The following PSMD14 variants were observed in gnomAD, a reference collection of about 807,000 sequenced individuals.
The protein encoded by PSMD14 is ubiquitin C-terminal hydrolase PSMD14.
Under a neutral mutation model 41.2 loss-of-function variants are expected in PSMD14, and 7 were observed. That is an observed-to-expected ratio of 0.17 (90% CI 0.10 to 0.32). The LOEUF (loss-of-function observed/expected upper bound fraction) is 0.32. Among genes scored for constraint, PSMD14 ranks in the 10% least tolerant of loss-of-function variants. The pLI is 1.00. For missense variants in PSMD14, 139 were observed against 375.6 expected, an observed-to-expected ratio of 0.37 and a Z score of 5.21; for synonymous variants, 114 against 122.3, an observed-to-expected ratio of 0.93 and a Z score of 0.45.
At chr2:161,381,605 G>A (rs1015240782) in intron 7 of PSMD14, 1 of 151,834 alleles carries the variant, frequency 6.6e-6, no homozygotes, top group Non-Finnish European at 1.5e-5. Context: ...TAGTCTTTCA[G>A]TGACCTAGCA....
intron 10 of PSMD14, among the ~76,000 whole-genome samples, chr2:161,404,704 A>T (rs1683926293): frequency 6.6e-6 from 1 of 152,126 alleles, no homozygotes; most frequent in Admixed American, 6.5e-5. Flanking sequence ...TAGTGCACTG[A>T]GTCTTGCATC....
intron 3 of PSMD14, among the ~76,000 whole-genome samples, chr2:161,366,493 T>G (rs1442620180): frequency 1.3e-5 from 2 of 152,128 alleles, no homozygotes; most frequent in African/African-American, 2.4e-5. Flanking sequence ...TATGTAAAAG[T>G]ATAAATGGGA....
chr2:161,315,251 A>G (rs1012631551), intron 1 of PSMD14, among the ~76,000 whole-genome samples: 1 of 152,220 alleles, frequency 6.6e-6, no homozygotes, highest in African/African-American at 2.4e-5. Context: ...TGCGCAAGAC[A>G]GCCCCACGAA....
intron 10 of PSMD14, among the ~76,000 whole-genome samples, chr2:161,403,083 G>GC (rs1307707880): frequency 1.3e-5 from 2 of 152,172 alleles, no homozygotes; most frequent in African/African-American, 4.8e-5. Flanking sequence ...CAAACAAAAA[G>GC]CGTGTATATG....
chr2:161,382,946 G>C (rs1316418011), intron 7 of PSMD14: 1 of 151,488 alleles, frequency 6.6e-6, no homozygotes, highest in Non-Finnish European at 1.5e-5. Flanking sequence ...CTTAACCATG[G>C]AGTGACCATT....
chr2:161,385,247 A>G, intron 7 of PSMD14: 2 of 339,438 alleles, frequency 5.9e-6, no homozygotes, highest in Non-Finnish European at 5.3e-6. Flanking sequence ...CTGCTTCATG[A>G]AAATTGCAAT....
chr2:161,332,324 A>G (rs1297381642), intron 3 of PSMD14, among the ~76,000 whole-genome samples: 1 of 152,214 alleles, frequency 6.6e-6, no homozygotes, highest in East Asian at 1.9e-4. Flanking sequence ...ACGTCTTTAA[A>G]ACGTTTTCCT....
At chr2:161,403,067 G>C (rs897482232) in intron 10 of PSMD14, among the ~76,000 whole-genome samples, 3 of 152,112 alleles carry the variant, frequency 2.0e-5, no homozygotes, top group African/African-American at 7.2e-5. Flanking sequence ...ATTGAAAATA[G>C]GTATTCAAAC....
intron 8 of PSMD14, among the ~76,000 whole-genome samples, chr2:161,389,777 G>T (rs775306170): frequency 6.6e-6 from 1 of 150,948 alleles, no homozygotes; most frequent in Non-Finnish European, 1.5e-5. Context: ...ATGTTAGAAA[G>T]AACATAGGCT....
At chr2:161,361,310 C>T (rs927958912) in intron 3 of PSMD14, among the ~76,000 whole-genome samples, 7 of 152,060 alleles carry the variant, frequency 4.6e-5, no homozygotes, top group Non-Finnish European at 1.5e-5. Flanking sequence ...AAACTTTCTG[C>T]AACACTGTAA....
At chr2:161,343,311 C>A (rs928731998) in intron 3 of PSMD14, among the ~76,000 whole-genome samples, 3 of 152,188 alleles carry the variant, frequency 2.0e-5, no homozygotes, top group African/African-American at 7.2e-5. Flanking sequence ...TATATGGAAT[C>A]ATTCAATATT....
At position 161,346,679 on chromosome 2, in the gene PSMD14, T is replaced by C. The variant is rs561969680; in HGVS notation, c.49-20799T>C. On this transcript the variant is annotated intron_variant, in intron 3 of 11. Coordinates refer to ENST00000409682, the MANE Select transcript of PSMD14 (RefSeq NM_005805.6). Reference sequence around the variant, plus strand: ...TCTTTCTAGTTTTGCTTTTAACCCTTGCTAGTTAAGACTGGGGCAGTACCT... The same window carrying C: ...TCTTTCTAGTTTTGCTTTTAACCCTCGCTAGTTAAGACTGGGGCAGTACCT... Among the ~76,000 whole-genome samples, 176 of 151,808 alleles carry C rather than the reference T, an allele frequency of 1.2e-3. 1 individual carries two copies. Among genetic ancestry groups the C allele is most frequent in the Non-Finnish European group, 1.9e-3 (131 of 67,960 alleles).
intron 3 of PSMD14, among the ~76,000 whole-genome samples, chr2:161,339,719 T>G (rs2105240896): frequency 1.3e-5 from 2 of 152,376 alleles, no homozygotes; most frequent in South Asian, 4.1e-4. Flanking sequence ...TATTGCTGTT[T>G]GGGGACACGT....
intron 3 of PSMD14, among the ~76,000 whole-genome samples, chr2:161,350,315 A>G (rs1188110923): frequency 6.6e-6 from 1 of 152,212 alleles, no homozygotes; most frequent in Non-Finnish European, 1.5e-5. Flanking sequence ...TACTTAGTAA[A>G]AATACTTATT....
chr2:161,322,370 A>G (rs909317632), intron 3 of PSMD14, among the ~76,000 whole-genome samples: 2 of 152,036 alleles, frequency 1.3e-5, no homozygotes, highest in Non-Finnish European at 2.9e-5. Context: ...TTTGCTCTAT[A>G]TGCTAATTGG....
chr2:161,388,260 C>T (rs1243914010), intron 8 of PSMD14, among the ~76,000 whole-genome samples: 1 of 151,998 alleles, frequency 6.6e-6, no homozygotes, highest in Non-Finnish European at 1.5e-5. Context: ...ATTTGGAAAA[C>T]ATTGTTTCAG....
At chr2:161,388,828 G>T (rs1574138730) in intron 8 of PSMD14, among the ~76,000 whole-genome samples, 1 of 152,074 alleles carries the variant, frequency 6.6e-6, no homozygotes, top group Non-Finnish European at 1.5e-5. Context: ...TAATGCACCT[G>T]CTTTTCCACA....
chr2:161,351,748 G>C (rs1222704879), intron 3 of PSMD14, among the ~76,000 whole-genome samples: 1 of 152,096 alleles, frequency 6.6e-6, no homozygotes, highest in African/African-American at 2.4e-5. Context: ...GCTCTGTTCC[G>C]TGGTATCATT....
At chr2:161,409,498 A>T (rs1416530221) in intron 11 of PSMD14, 2 of 152,296 alleles carry the variant, frequency 1.3e-5, no homozygotes, top group African/African-American at 4.8e-5. Context: ...TGGTTATCAT[A>T]TTGCTGATGT....
Sources: gnomAD v4.1 joint callset for allele counts (sites outside exome capture counted in the v4.1 genomes callset) on GRCh38, gnomAD v4.1.1 for gene constraint, MANE v1.5 for transcripts, NCBI Gene and HGNC (gene_info 2026-07-23, HGNC 2026-07-21) for gene names.